The following CNTN4 variants were observed in gnomAD, a reference collection of about 807,000 sequenced individuals.
CNTN4 encodes contactin-4.
A neutral mutation model predicts 122.5 loss-of-function variants in CNTN4; 77 were observed. The ratio of observed to expected loss-of-function variants is 0.63; its 90% CI spans 0.52 to 0.76. CNTN4 has a LOEUF of 0.76. Among genes scored for constraint, CNTN4 ranks in the 30% least tolerant of loss-of-function variants. CNTN4 has a pLI of 0.00. For missense variants in CNTN4, 1,256 were observed against 1,259.1 expected (o/e 1.00, Z 0.04); for synonymous variants, 512 against 447.0 (o/e 1.15, Z -1.83).
intron 3 of CNTN4, among the ~76,000 whole-genome samples, chr3:2,491,275 T>C (rs1262287122): frequency 2.6e-5 from 4 of 152,140 alleles, no homozygotes; most frequent in African/African-American, 9.7e-5. Flanking sequence ...ATAAAGATAG[T>C]TGTAAGAATT....
intron 6 of CNTN4, among the ~76,000 whole-genome samples, chr3:2,789,262 CA>C (rs2091932662): frequency 6.6e-6 from 1 of 152,178 alleles, no homozygotes; most frequent in Non-Finnish European, 1.5e-5. Context: ...TCTGTTTTCT[CA>C]CCTGTAAAAC....
intron 13 of CNTN4, among the ~76,000 whole-genome samples, chr3:2,974,011 C>G (rs1483652917): frequency 1.3e-5 from 2 of 152,178 alleles, no homozygotes; most frequent in Non-Finnish European, 2.9e-5. Flanking sequence ...TTAAAAAGCA[C>G]TGAGCAACAT....
chr3:2,789,827 A>G (rs2728090), intron 6 of CNTN4, among the ~76,000 whole-genome samples: 63,821 of 152,078 alleles, frequency 0.42, 13,403 homozygotes, highest in South Asian at 0.47. Flanking sequence ...GAGACCTGGA[A>G]AAGTATATAT....
chr3:2,481,061 C>CTTTCTTTCTTTCTTTCTTTCTTTCTT (rs773311259), intron 3 of CNTN4, among the ~76,000 whole-genome samples: 4 of 110,802 alleles, frequency 3.6e-5, no homozygotes, highest in Non-Finnish European at 6.0e-5. Flanking sequence ...TTCTTTCTTT[C>CTTTCTTTCTTTCTTTCTTTCTTTCTT]TCTCTTTCTC....
chr3:2,915,281 G>C (rs956845201), intron 12 of CNTN4, among the ~76,000 whole-genome samples: 14 of 152,228 alleles, frequency 9.2e-5, no homozygotes, highest in African/African-American at 3.4e-4. Context: ...GGCCAGGCTG[G>C]TCTCAAACTC....
At chr3:3,007,610 T>C (rs1225888733) in intron 14 of CNTN4, among the ~76,000 whole-genome samples, 1 of 152,224 alleles carries the variant, frequency 6.6e-6, no homozygotes, top group East Asian at 1.9e-4. Context: ...AACAATATGT[T>C]AGGTGAATAA....
intron 3 of CNTN4, among the ~76,000 whole-genome samples, chr3:2,481,144 T>C (rs1214721068): frequency 6.6e-6 from 1 of 151,526 alleles, no homozygotes; most frequent in Non-Finnish European, 1.5e-5. Flanking sequence ...TCTCTCTTTC[T>C]TTCTTTGTTT....
chr3:2,979,955 G>C (rs1308352968), intron 13 of CNTN4, among the ~76,000 whole-genome samples: 2 of 152,146 alleles, frequency 1.3e-5, no homozygotes, highest in African/African-American at 4.8e-5. Flanking sequence ...TCTTTTGGGT[G>C]ATAGAGTGAA....
At chr3:2,307,384 G>T (rs1246159860) in intron 2 of CNTN4, among the ~76,000 whole-genome samples, 1 of 150,996 alleles carries the variant, frequency 6.6e-6, no homozygotes, top group Non-Finnish European at 1.5e-5. Context: ...GCAGTGGGCC[G>T]AGATTGTGCC....
chr3:2,657,198 A>G (rs1016970754), intron 4 of CNTN4, among the ~76,000 whole-genome samples: 4 of 152,232 alleles, frequency 2.6e-5, no homozygotes, highest in African/African-American at 4.8e-5. Context: ...ACATTCCTAC[A>G]TGTCAGAAAA....
At chr3:2,152,855 A>G (rs1461107452) in intron 2 of CNTN4, among the ~76,000 whole-genome samples, 1 of 152,124 alleles carries the variant, frequency 6.6e-6, no homozygotes, top group African/African-American at 2.4e-5. Context: ...TGATGCAGTC[A>G]TTTTCATGAG....
intron 7 of CNTN4, among the ~76,000 whole-genome samples, chr3:2,852,477 C>G (rs901161488): frequency 5.3e-5 from 8 of 152,130 alleles, no homozygotes; most frequent in Admixed American, 5.2e-4. Context: ...ATTCTATTCA[C>G]CATCTTTGCC....
Position 2,620,723 on chromosome 3 carries a change from T to C in CNTN4, c.55+49165T>C, listed in dbSNP as rs564200825. On this transcript the variant is annotated intron_variant, in intron 4 of 24. Coordinates refer to ENST00000418658, the MANE Select transcript of CNTN4 (RefSeq NM_175607.3). ...CTTGTGTGCGGAATAAATCGGACTTTAGAAAATCTGAAAACCTCATTTACA... is the reference window on the plus strand; with the variant it reads ...CTTGTGTGCGGAATAAATCGGACTTCAGAAAATCTGAAAACCTCATTTACA... 7.9e-5 allele frequency among the ~76,000 whole-genome samples: 12 copies of C among 152,246 alleles called. No homozygotes were observed. The South Asian group carries it at 1.7e-3, about 21-fold the overall frequency.
At chr3:2,918,362 A>G (rs1304335159) in intron 12 of CNTN4, among the ~76,000 whole-genome samples, 1 of 152,176 alleles carries the variant, frequency 6.6e-6, no homozygotes, top group African/African-American at 2.4e-5. Flanking sequence ...CAGCTGTTGG[A>G]CATACTGGGG....
At chr3:2,174,454 C>T (rs2036659868) in intron 2 of CNTN4, among the ~76,000 whole-genome samples, 1 of 152,052 alleles carries the variant, frequency 6.6e-6, no homozygotes, top group South Asian at 2.1e-4. Flanking sequence ...TGGTGAGGGC[C>T]CACTTCTGGT....
chr3:2,760,208 G>A (rs573855519), intron 6 of CNTN4, among the ~76,000 whole-genome samples: 1 of 151,672 alleles, frequency 6.6e-6, no homozygotes, highest in East Asian at 1.9e-4. Flanking sequence ...TTTTTCTTTT[G>A]TTGCATGTGC....
chr3:2,333,341 T>C (rs528505665), intron 2 of CNTN4, among the ~76,000 whole-genome samples: 1 of 152,352 alleles, frequency 6.6e-6, no homozygotes, highest in African/African-American at 2.4e-5. Context: ...CCTCCTACAC[T>C]GTGTAATACT....
chr3:2,717,917 A>G (rs2087599529), intron 4 of CNTN4, among the ~76,000 whole-genome samples: 1 of 152,180 alleles, frequency 6.6e-6, no homozygotes, highest in African/African-American at 2.4e-5. Context: ...ATATCTAATA[A>G]TGTGGAGCAT....
intron 2 of CNTN4, among the ~76,000 whole-genome samples, chr3:2,130,626 T>G (rs1282591543): frequency 6.6e-6 from 1 of 152,188 alleles, no homozygotes. Context: ...TATAAAATGT[T>G]TATTAGTTAT....
Sources: gnomAD v4.1 joint callset for allele counts (sites outside exome capture counted in the v4.1 genomes callset) on GRCh38, gnomAD v4.1.1 for gene constraint, MANE v1.5 for transcripts, NCBI Gene and HGNC (gene_info 2026-07-23, HGNC 2026-07-21) for gene names.